The following CACNA1C variants were observed in gnomAD, a reference collection of about 807,000 sequenced individuals.
CACNA1C encodes calcium voltage-gated channel subunit alpha1 C, also known as voltage-dependent L-type calcium channel subunit alpha-1C.
Under a neutral mutation model 229.0 loss-of-function variants are expected in CACNA1C, and 30 were observed. The ratio of observed to expected loss-of-function variants is 0.13; its 90% confidence interval spans 0.10 to 0.18. The LOEUF (loss-of-function observed/expected upper bound fraction) is 0.18. Among genes scored for constraint, CACNA1C ranks in the 10% least tolerant of loss-of-function variants. The pLI is 1.00. For synonymous variants in CACNA1C, 1,114 were observed against 1,132.5 expected (o/e 0.98, Z 0.33); for missense variants, 1,658 against 2,845.0 (o/e 0.58, Z 9.49).
At chr12:2,659,638 A>G (rs2095602508) in intron 34 of CACNA1C, among the ~76,000 whole-genome samples, 1 of 152,232 alleles carries the variant, frequency 6.6e-6, no homozygotes, top group African/African-American at 2.4e-5. Context: ...TGTATATTAA[A>G]TAAGCTAATA....
chr12:2,033,932 G>C (rs1232586773), intron 1 of CACNA1C, among the ~76,000 whole-genome samples: 1 of 152,238 alleles, frequency 6.6e-6, no homozygotes, highest in Non-Finnish European at 1.5e-5. Flanking sequence ...CACTGACAGA[G>C]AAAGACAGAG....
At chr12:2,489,404 G>A (rs1469341664) in intron 6 of CACNA1C, among the ~76,000 whole-genome samples, 5 of 152,290 alleles carry the variant, frequency 3.3e-5, no homozygotes, top group African/African-American at 7.2e-5. Context: ...GAGCAGCCCC[G>A]GTGAAGGCGG....
chr12:2,476,503 C>T (rs1344845106), intron 5 of CACNA1C, among the ~76,000 whole-genome samples: 4 of 152,180 alleles, frequency 2.6e-5, no homozygotes, highest in African/African-American at 7.2e-5. Context: ...CCAGCAGGTG[C>T]CGAGTCCTCG....
intron 3 of CACNA1C, among the ~76,000 whole-genome samples, chr12:2,198,932 GCAGTAAATATTT>G (rs2097503293): frequency 6.6e-6 from 1 of 152,104 alleles, no homozygotes; most frequent in Non-Finnish European, 1.5e-5. Flanking sequence ...AACTTTTCCT[GCAGTAAATATTT>G]CAAACTTTAT....
At chr12:2,268,259 G>A (rs1366443426) in intron 3 of CACNA1C, among the ~76,000 whole-genome samples, 4 of 152,120 alleles carry the variant, frequency 2.6e-5, no homozygotes, top group Non-Finnish European at 5.9e-5. Context: ...GGGTGGGGTC[G>A]ACAGCCAGAG....
chr12:2,496,816 A>C (rs1176792738), intron 7 of CACNA1C, among the ~76,000 whole-genome samples: 1 of 152,180 alleles, frequency 6.6e-6, no homozygotes, highest in East Asian at 1.9e-4. Flanking sequence ...GATACCGGGG[A>C]TTTGGAAATG....
At chr12:2,193,970 T>C (rs755645665) in intron 3 of CACNA1C, among the ~76,000 whole-genome samples, 3 of 152,142 alleles carry the variant, frequency 2.0e-5, no homozygotes, top group Non-Finnish European at 4.4e-5. Context: ...CCCTCAGTCC[T>C]GGCCACTCCC....
chr12:2,539,299 C>T (rs2099863684), intron 9 of CACNA1C, among the ~76,000 whole-genome samples: 1 of 34,904 alleles, frequency 2.9e-5, no homozygotes, highest in Non-Finnish European at 5.0e-5. Context: ...AGGAGGGCTT[C>T]ATAAAGATGC....
intron 46 of CACNA1C, 40 bp downstream of exon 46, chr12:2,688,819 G>T (rs963190777): frequency 1.3e-5 from 19 of 1,411,668 alleles, no homozygotes; most frequent in Non-Finnish European, 1.8e-5. Flanking sequence ...GAGGCCACGG[G>T]CAACAAGGGG....
chr12:2,423,505 A>G (rs2098998336), intron 3 of CACNA1C, among the ~76,000 whole-genome samples: 1 of 152,220 alleles, frequency 6.6e-6, no homozygotes, highest in Non-Finnish European at 1.5e-5. Flanking sequence ...TTCGAGGATT[A>G]AATGAAACGA....
intron 5 of CACNA1C, among the ~76,000 whole-genome samples, chr12:2,462,039 G>A (rs895818307): frequency 3.9e-5 from 6 of 152,136 alleles, no homozygotes; most frequent in South Asian, 2.1e-4. Context: ...TAGGCCCTGC[G>A]ATCTCACGCC....
chr12:2,201,131 T>G (rs2097569414), intron 3 of CACNA1C, among the ~76,000 whole-genome samples: 1 of 152,156 alleles, frequency 6.6e-6, no homozygotes, highest in Non-Finnish European at 1.5e-5. Flanking sequence ...CTCCTCCCCT[T>G]TCCCAGAATT....
At chr12:2,158,981 G>A (rs1187065415) in intron 3 of CACNA1C, among the ~76,000 whole-genome samples, 1 of 152,148 alleles carries the variant, frequency 6.6e-6, no homozygotes, top group Non-Finnish European at 1.5e-5. Context: ...AGAGGTGAAA[G>A]AGGGCTAAAC....
intron 9 of CACNA1C, among the ~76,000 whole-genome samples, chr12:2,535,427 G>C (rs1273323558): frequency 6.6e-6 from 1 of 151,478 alleles, no homozygotes; most frequent in African/African-American, 2.4e-5. Context: ...GGCCCGGCAT[G>C]GTGGCTCCCG....
At chr12:2,280,477 A>C (rs1377738569) in intron 3 of CACNA1C, among the ~76,000 whole-genome samples, 1 of 71,966 alleles carries the variant, frequency 1.4e-5, no homozygotes, top group Non-Finnish European at 2.9e-5. Context: ...GCTTCGGTTT[A>C]ACCTCTTGAT....
chr12:2,225,146 T>C (rs1024164849), intron 3 of CACNA1C, among the ~76,000 whole-genome samples: 2 of 152,234 alleles, frequency 1.3e-5, no homozygotes, highest in African/African-American at 4.8e-5. Flanking sequence ...ATTGCTCACT[T>C]TGCCAGGATA....
intron 3 of CACNA1C, among the ~76,000 whole-genome samples, chr12:2,254,323 T>C (rs2076602479): frequency 6.6e-6 from 1 of 152,196 alleles, no homozygotes; most frequent in Non-Finnish European, 1.5e-5. Context: ...CTGGAGGATG[T>C]AGGCTGAGTC....
intron 29 of CACNA1C, among the ~76,000 whole-genome samples, chr12:2,627,006 T>C (rs1013482200): frequency 6.6e-6 from 1 of 152,198 alleles, no homozygotes; most frequent in African/African-American, 2.4e-5. Context: ...GTTAAAAGTG[T>C]GCATTCTAAG....
intron 3 of CACNA1C, among the ~76,000 whole-genome samples, chr12:2,170,789 A>G (rs1296045372): frequency 6.6e-6 from 1 of 152,240 alleles, no homozygotes; most frequent in African/African-American, 2.4e-5. Flanking sequence ...TTACCTCAGT[A>G]CGTACCACAA....
Sources: gnomAD v4.1 joint callset for allele counts (sites outside exome capture counted in the v4.1 genomes callset) on GRCh38, gnomAD v4.1.1 for gene constraint, MANE v1.5 for transcripts, NCBI Gene and HGNC (gene_info 2026-07-23, HGNC 2026-07-21) for gene names.